MCF2L2: variants seen among roughly 807,000 people sequenced by gnomAD.
The protein encoded by MCF2L2 is MCF.2 cell line derived transforming sequence-like 2.
A neutral mutation model predicts 150.2 loss-of-function variants in MCF2L2; 102 were observed. The observed-to-expected ratio is 0.68, with a 90% CI of 0.58 to 0.80. MCF2L2 has a LOEUF of 0.80. MCF2L2 is among the 30% of genes least tolerant of loss of function. The pLI, the probability that MCF2L2 is intolerant of heterozygous loss-of-function variation, is 0.00. For missense variants in MCF2L2, 1,256 were observed against 1,372.8 expected (o/e 0.91, Z 1.34); for synonymous variants, 465 against 491.3 (o/e 0.95, Z 0.71).
At chr3:183,324,851 G>T (rs1215934227) in intron 5 of MCF2L2, among the ~76,000 whole-genome samples, 2 of 151,404 alleles carry the variant, frequency 1.3e-5, no homozygotes, top group Non-Finnish European at 2.9e-5. Flanking sequence ...ATTCACAATA[G>T]CAAAGACTTG....
At chr3:183,277,299 T>C (rs561057039) in intron 14 of MCF2L2, among the ~76,000 whole-genome samples, 2 of 148,734 alleles carry the variant, frequency 1.3e-5, no homozygotes, top group South Asian at 4.2e-4. Context: ...ATCACACCAT[T>C]GCACTCCAGC....
intron 14 of MCF2L2, 137 bp downstream of exon 14, chr3:183,288,983 G>C (rs1488335648): frequency 1.7e-6 from 1 of 577,950 alleles, no homozygotes; most frequent in Non-Finnish European, 3.1e-6. Context: ...ATAAACCCCA[G>C]TTCTTGAAAG....
In MCF2L2 at chr3:183,292,590, T is replaced by C. The variant is rs888887644; in HGVS notation, c.1675+2710A>G. Among the ~76,000 whole-genome samples, 178 of 140,504 alleles carry C rather than the reference T, an allele frequency of 1.3e-3. 1 individual carries two copies. The South Asian group carries it at 0.017, about 13-fold the overall frequency. The allele number at this position is 140,504 out of a possible 152,430, so 92.2% of individuals were successfully genotyped here. A position where few individuals can be genotyped will look rare whatever the true frequency, so the allele number is the denominator to read the frequency against. ...ACACACACACACACACACACACACA[T>C]GCACACACACACGTATGTATTTCTC... On this transcript the variant is annotated intron_variant, in intron 13 of 29. Transcript: ENST00000328913.
intron 5 of MCF2L2, among the ~76,000 whole-genome samples, chr3:183,325,100 TA>T (rs1439115487): frequency 3.5e-5 from 4 of 114,226 alleles, no homozygotes; most frequent in South Asian, 3.0e-4. Flanking sequence ...GGGAACATCA[TA>T]CTCCGGGGAC....
At chr3:183,395,998 C>T (rs1225374049) in intron 1 of MCF2L2, among the ~76,000 whole-genome samples, 2 of 149,426 alleles carry the variant, frequency 1.3e-5, no homozygotes, top group African/African-American at 4.9e-5. Context: ...CAGAAAGTTC[C>T]TCGTGGCACC....
rs1723212928 is a variant in MCF2L2 at position 183,223,345 on chromosome 3, C to T, written c.2301+1G>A. On this transcript the variant is annotated splice_donor_variant, in intron 20 of 29. Transcript: ENST00000328913. LOFTEE classifies it high-confidence loss of function. Reference sequence around the variant, plus strand: ...GAAAAGCACTGTCTCATTGATTTTACCTTCAACAGCATCTGGTATTTTATA... The same window carrying T: ...GAAAAGCACTGTCTCATTGATTTTATCTTCAACAGCATCTGGTATTTTATA... The T allele has an allele frequency of 1.2e-6, 2 of 1,611,228 alleles. No individual in the cohort carries two copies. Among genetic ancestry groups the T allele is most frequent in the South Asian group, 1.1e-5 (1 of 91,020 alleles).
At position 183,270,803 on chromosome 3, in the gene MCF2L2, T is replaced by A. The variant is rs753562483; in HGVS notation, c.1862+6069A>T. The A allele has an allele frequency of 6.2e-7, 1 of 1,614,094 alleles. No individual in the cohort carries two copies. Among genetic ancestry groups the A allele is most frequent in the South Asian group, 1.1e-5 (1 of 91,064 alleles). On this transcript the variant is annotated intron_variant, in intron 15 of 29. Coordinates refer to ENST00000328913, the MANE Select transcript of MCF2L2 (RefSeq NM_015078.4). The surrounding 1 kb of genome is among the most constrained non-coding windows in gnomAD (Gnocchi z 4.5). ...AAGATCTCCAGGACCTTTGGAAGAA[T>A]GCTACAGATCCTAAAGTAAAAACCA... is the stretch of plus-strand genomic sequence containing the variant.
intron 1 of MCF2L2, among the ~76,000 whole-genome samples, chr3:183,395,935 A>AAAAAAAAG (rs1553794481): frequency 2.0e-5 from 2 of 99,020 alleles, no homozygotes; most frequent in African/African-American, 3.0e-5. Flanking sequence ...AAAAAAAAAA[A>AAAAAAAAG]AAAGAAAGAA....
chr3:183,215,847 G>T, intron 22 of MCF2L2, 122 bp downstream of exon 22: 1 of 1,207,482 alleles, frequency 8.3e-7, no homozygotes, highest in Non-Finnish European at 1.1e-6. Context: ...TTAGGCGACT[G>T]TCCTCAGAGT....
At chr3:183,396,061 T>A (rs777052972) in intron 1 of MCF2L2, among the ~76,000 whole-genome samples, 1 of 144,738 alleles carries the variant, frequency 6.9e-6, no homozygotes, top group Non-Finnish European at 1.5e-5. Context: ...CCTCCCCCCA[T>A]GAACATATGT....
At chr3:183,325,443 A>G (rs1729984661) in intron 5 of MCF2L2, among the ~76,000 whole-genome samples, 1 of 152,130 alleles carries the variant, frequency 6.6e-6, no homozygotes, top group Non-Finnish European at 1.5e-5. Context: ...GGCTTTTAAA[A>G]TGTATCTTTA....
At position 183,320,166 on chromosome 3, in the gene MCF2L2, C is replaced by T. The variant is rs1469957251; in HGVS notation, c.604-1949G>A. On this transcript the variant is annotated intron_variant, in intron 6 of 29. Transcript: ENST00000328913. ...GGAGTGCAGTGGCGCGATCTCAGCT[C>T]ACTGCAACCTCCGCCTCCCGGGTTC... Among the ~76,000 whole-genome samples, 8 of 149,566 alleles carry T rather than the reference C, an allele frequency of 5.3e-5. No individual in the cohort carries two copies. In the East Asian group the frequency reaches 7.8e-4, roughly 15 times the overall value.
intron 3 of MCF2L2, among the ~76,000 whole-genome samples, chr3:183,362,607 A>T (rs76934605): frequency 5.3e-5 from 4 of 76,066 alleles, no homozygotes; most frequent in African/African-American, 4.6e-4. Flanking sequence ...TTACAGGATT[A>T]AAAAAAAAAA....
intron 3 of MCF2L2, among the ~76,000 whole-genome samples, chr3:183,345,601 G>T (rs982490252): frequency 6.6e-5 from 10 of 151,884 alleles, no homozygotes; most frequent in Non-Finnish European, 1.2e-4. Context: ...GAGACCTGAA[G>T]AACCCTTCAA....
At chr3:183,285,981 C>G (rs1727770140) in intron 14 of MCF2L2, among the ~76,000 whole-genome samples, 2 of 152,160 alleles carry the variant, frequency 1.3e-5, no homozygotes, top group African/African-American at 2.4e-5. Context: ...TCACTATTGC[C>G]AACAAGCACA....
intron 15 of MCF2L2, chr3:183,253,356 G>A (rs1321631161): frequency 6.6e-6 from 1 of 152,208 alleles, no homozygotes; most frequent in African/African-American, 2.4e-5. Context: ...TGAGACCAGC[G>A]ACTTTAGCTC....
intron 13 of MCF2L2, among the ~76,000 whole-genome samples, chr3:183,294,360 GTTGTTGTTGAGACAGAGTTTTGCTC>G (rs910514707): frequency 1.2e-4 from 18 of 151,730 alleles, no homozygotes; most frequent in Non-Finnish European, 2.1e-4. Context: ...TGTTGTTGTT[GTTGTTGTTGAGACAGAGTTTTGCTC>G]TTGTCGCCCA....
intron 6 of MCF2L2, among the ~76,000 whole-genome samples, chr3:183,321,538 C>A (rs1025975151): frequency 6.6e-6 from 1 of 151,828 alleles, no homozygotes; most frequent in Non-Finnish European, 1.5e-5. Context: ...CAGAGAGGCA[C>A]GAAGTGAGCA....
At chr3:183,246,302 C>T (rs1243388523) in intron 15 of MCF2L2, among the ~76,000 whole-genome samples, 3 of 152,110 alleles carry the variant, frequency 2.0e-5, no homozygotes, top group Non-Finnish European at 2.9e-5. Flanking sequence ...CAGACTTTTT[C>T]ATCATCCCAA....
Sources: allele counts gnomAD v4.1 joint callset (sites outside exome capture counted in the v4.1 genomes callset), GRCh38; gene constraint gnomAD v4.1.1; non-coding constraint Gnocchi (gnomAD v3.1); transcripts MANE v1.5; gene names NCBI Gene and HGNC (gene_info 2026-07-23, HGNC 2026-07-21).